NLGN1: variants seen among roughly 807,000 people sequenced by gnomAD.
NLGN1 encodes neuroligin 1.
A neutral mutation model predicts 65.5 loss-of-function variants in NLGN1; 12 were observed. The observed-to-expected ratio is 0.18, with a 90% confidence interval of 0.12 to 0.30. The LOEUF (loss-of-function observed/expected upper bound fraction) is 0.30, where lower values mean the gene tolerates loss of function less well. Among genes scored for constraint, NLGN1 ranks in the 10% least tolerant of loss-of-function variants. The probability of loss-of-function intolerance (pLI) is 1.00; values close to 1 mark genes in which losing one functional copy is unlikely to be tolerated. For missense variants in NLGN1, 750 were observed against 1,007.1 expected, an observed-to-expected ratio of 0.74 and a Z score of 3.46; for synonymous variants, 350 against 359.5, an observed-to-expected ratio of 0.97 and a Z score of 0.30.
chr3:173,566,468 A>G (rs767232617), intron 2 of NLGN1, among the ~76,000 whole-genome samples: 4 of 152,230 alleles, frequency 2.6e-5, no homozygotes, highest in Non-Finnish European at 4.4e-5. Flanking sequence ...TTGATTATTT[A>G]GTAATACCCA....
chr3:173,611,528 G>A (rs1239982045), intron 3 of NLGN1, among the ~76,000 whole-genome samples: 7 of 151,994 alleles, frequency 4.6e-5, no homozygotes, highest in African/African-American at 7.2e-5. Flanking sequence ...TAATTAAAAC[G>A]CCTAGTTCAC....
At chr3:173,886,766 C>T (rs1370386584) in intron 4 of NLGN1, among the ~76,000 whole-genome samples, 2 of 152,014 alleles carry the variant, frequency 1.3e-5, no homozygotes, top group African/African-American at 4.8e-5. Flanking sequence ...AGAGTGGCCT[C>T]CTGACTCCAT....
At chr3:174,159,901 C>T (rs973031991) in intron 4 of NLGN1, among the ~76,000 whole-genome samples, 1 of 151,734 alleles carries the variant, frequency 6.6e-6, no homozygotes, top group African/African-American at 2.4e-5. Context: ...GGATTGATTT[C>T]ATTCTCTTAG....
chr3:173,654,171 T>C (rs149288766), intron 3 of NLGN1, among the ~76,000 whole-genome samples: 14 of 152,218 alleles, frequency 9.2e-5, no homozygotes, highest in African/African-American at 2.9e-4. Context: ...TTAGGGAGAA[T>C]TAAAACTGGA....
At chr3:173,965,887 A>G (rs1328449472) in intron 4 of NLGN1, among the ~76,000 whole-genome samples, 6 of 152,186 alleles carry the variant, frequency 3.9e-5, no homozygotes, top group Non-Finnish European at 5.9e-5. Context: ...ATTGTAAAAC[A>G]TAATTTTTCA....
At chr3:173,518,075 T>C (rs116453474) in intron 2 of NLGN1, among the ~76,000 whole-genome samples, 3,649 of 152,282 alleles carry the variant, frequency 0.024, 55 homozygotes, top group Middle Eastern at 0.048. Flanking sequence ...TACTAAGTTG[T>C]CTCATCAGAA....
At chr3:174,145,490 T>C (rs1723045255) in intron 4 of NLGN1, among the ~76,000 whole-genome samples, 1 of 151,390 alleles carries the variant, frequency 6.6e-6, no homozygotes, top group Non-Finnish European at 1.5e-5. Flanking sequence ...TCCAGCCTGG[T>C]GACAGAGTGA....
intron 4 of NLGN1, among the ~76,000 whole-genome samples, chr3:173,957,153 T>A (rs1035218061): frequency 1.3e-5 from 2 of 152,148 alleles, no homozygotes; most frequent in African/African-American, 4.8e-5. Context: ...ATTTTAAATA[T>A]CTTAGTGGTA....
At chr3:173,719,929 A>G (rs2149997190) in intron 3 of NLGN1, among the ~76,000 whole-genome samples, 1 of 152,180 alleles carries the variant, frequency 6.6e-6, no homozygotes, top group African/African-American at 2.4e-5. Context: ...AGCCTGGACA[A>G]CACAGTGGGA....
chr3:173,498,928 G>C (rs1293027159), intron 2 of NLGN1, among the ~76,000 whole-genome samples: 1 of 150,924 alleles, frequency 6.6e-6, no homozygotes, highest in Non-Finnish European at 1.5e-5. Context: ...AAATTTGTTT[G>C]AGTTCATTGT....
intron 3 of NLGN1, among the ~76,000 whole-genome samples, chr3:173,648,612 T>C (rs1350778291): frequency 6.6e-6 from 1 of 152,142 alleles, no homozygotes; most frequent in Non-Finnish European, 1.5e-5. Context: ...TCTCACTTTA[T>C]TGCCCAGGCT....
chr3:173,461,808 A>G (rs1348373977), intron 2 of NLGN1, among the ~76,000 whole-genome samples: 1 of 152,070 alleles, frequency 6.6e-6, no homozygotes, highest in Non-Finnish European at 1.5e-5. Flanking sequence ...CTCCTCACCT[A>G]CTTTTTCAAA....
At chr3:173,944,125 G>T (rs9845989) in intron 4 of NLGN1, among the ~76,000 whole-genome samples, 132 of 36,522 alleles carry the variant, frequency 3.6e-3, no homozygotes, top group Middle Eastern at 0.014. Context: ...AATATTATGG[G>T]TGTGTGTGTG....
At chr3:174,005,335 A>T (rs1044070255) in intron 4 of NLGN1, among the ~76,000 whole-genome samples, 2 of 152,162 alleles carry the variant, frequency 1.3e-5, no homozygotes, top group African/African-American at 4.8e-5. Flanking sequence ...TACTAATTGG[A>T]AAATCCATAA....
intron 4 of NLGN1, among the ~76,000 whole-genome samples, chr3:174,047,342 A>G (rs1448555692): frequency 1.3e-5 from 2 of 151,968 alleles, no homozygotes; most frequent in Admixed American, 1.3e-4. Flanking sequence ...TATCTATTCT[A>G]CCTAAGAGAT....
At chr3:173,509,648 T>C (rs1035621207) in intron 2 of NLGN1, among the ~76,000 whole-genome samples, 1 of 152,150 alleles carries the variant, frequency 6.6e-6, no homozygotes. Flanking sequence ...TTATAAATAG[T>C]ATTTCTATAT....
At chr3:173,441,268 C>T (rs776674097) in intron 2 of NLGN1, among the ~76,000 whole-genome samples, 2 of 152,154 alleles carry the variant, frequency 1.3e-5, no homozygotes, top group Non-Finnish European at 2.9e-5. Flanking sequence ...GTTTTGCTTT[C>T]TTAACATTTT....
At chr3:173,890,881 G>T (rs1735209808) in intron 4 of NLGN1, among the ~76,000 whole-genome samples, 1 of 152,140 alleles carries the variant, frequency 6.6e-6, no homozygotes, top group Non-Finnish European at 1.5e-5. Context: ...AAAAGAATTG[G>T]TTGCACCTGT....
chr3:173,960,489 T>A (rs1361321062), intron 4 of NLGN1, among the ~76,000 whole-genome samples: 1 of 151,978 alleles, frequency 6.6e-6, no homozygotes, highest in Non-Finnish European at 1.5e-5. Flanking sequence ...TGTAGAGGGT[T>A]ACAATTATAT....
Sources: gnomAD v4.1 joint callset for allele counts (sites outside exome capture counted in the v4.1 genomes callset) on GRCh38, gnomAD v4.1.1 for gene constraint, MANE v1.5 for transcripts, NCBI Gene and HGNC (gene_info 2026-07-23, HGNC 2026-07-21) for gene names.